CNST: variants seen among roughly 807,000 people sequenced by gnomAD.
CNST encodes consortin, connexin sorting protein.
Under a neutral mutation model 72.4 loss-of-function variants are expected in CNST, and 39 were observed. The ratio of observed to expected loss-of-function variants is 0.54; its 90% CI spans 0.42 to 0.70. CNST has a LOEUF of 0.70. CNST is among the 30% of genes least tolerant of loss of function. The probability of loss-of-function intolerance (pLI) is 0.00; values close to 1 mark genes in which losing one functional copy is unlikely to be tolerated. For synonymous variants in CNST, 332 were observed against 320.1 expected, an observed-to-expected ratio of 1.04 and a Z score of -0.40; for missense variants, 871 against 868.5, an observed-to-expected ratio of 1.00 and a Z score of -0.04.
chr1:246,620,609 A>C (rs1664007764), intron 2 of CNST, among the ~76,000 whole-genome samples: 1 of 143,364 alleles, frequency 7.0e-6, no homozygotes, highest in Non-Finnish European at 1.5e-5. Flanking sequence ...AGTCGTGCAT[A>C]CACACGATGG....
At chr1:246,653,896 A>G (rs1666628485) in intron 9 of CNST, among the ~76,000 whole-genome samples, 1 of 152,190 alleles carries the variant, frequency 6.6e-6, no homozygotes, top group African/African-American at 2.4e-5. Context: ...CCAGTCAGGT[A>G]TTAGAAGTCA....
At chr1:246,617,162 A>G (rs937383026) in intron 2 of CNST, among the ~76,000 whole-genome samples, 1 of 152,348 alleles carries the variant, frequency 6.6e-6, no homozygotes, top group African/African-American at 2.4e-5. Context: ...ATTAAAAGAC[A>G]TAGAGGAAAA....
intron 6 of CNST, among the ~76,000 whole-genome samples, chr1:246,640,013 C>G (rs1188934597): frequency 6.6e-6 from 1 of 152,208 alleles, no homozygotes; most frequent in Non-Finnish European, 1.5e-5. Context: ...ACTTGTCGCA[C>G]AAGTGGCCTT....
At chr1:246,610,304 A>T (rs1332745277) in intron 2 of CNST, among the ~76,000 whole-genome samples, 1 of 149,422 alleles carries the variant, frequency 6.7e-6, no homozygotes, top group African/African-American at 2.5e-5. Flanking sequence ...CAAACAAAAA[A>T]CCTCCCCATT....
chr1:246,581,121 C>A (rs1012227720), intron 1 of CNST, among the ~76,000 whole-genome samples: 3 of 152,146 alleles, frequency 2.0e-5, no homozygotes, highest in Non-Finnish European at 2.9e-5. Flanking sequence ...GAGTAATAAT[C>A]TTCTGTCTTT....
chr1:246,633,615 C>T (rs753467226), intron 4 of CNST, among the ~76,000 whole-genome samples: 29 of 150,656 alleles, frequency 1.9e-4, no homozygotes, highest in Non-Finnish European at 4.1e-4. Context: ...CAGTGGTAGG[C>T]GCCTGTAGTC....
chr1:246,592,164 C>T lies in CNST; in HGVS notation c.379+223C>T, dbSNP rs189563430. The stretch of plus-strand genomic sequence containing the variant: ...GTAACACAATTTATTTAATCACTTC[C>T]TTATGGCCCTTCCCAGTCTTTTACT... On this transcript the variant is annotated intron_variant, in intron 2 of 10. Coordinates refer to ENST00000366513, the MANE Select transcript of CNST (RefSeq NM_152609.3). Among the ~76,000 whole-genome samples the T allele has an allele frequency of 2.2e-3, 330 of 152,214 alleles. 1 individual carries two copies. Among genetic ancestry groups the T allele is most frequent in the Non-Finnish European group, 3.2e-3 (220 of 67,998 alleles).
At chr1:246,665,581 TC>T (rs1278184638) in intron 10 of CNST, 118 bp from the exon 11 acceptor site, 2 of 779,088 alleles carry the variant, frequency 2.6e-6, no homozygotes, top group Non-Finnish European at 4.2e-6. Flanking sequence ...TGTCAATACT[TC>T]CTATCCGTAG....
At chr1:246,628,640 C>T (rs77121759) in intron 3 of CNST, among the ~76,000 whole-genome samples, 7,055 of 152,162 alleles carry the variant, frequency 0.046, 515 homozygotes, top group African/African-American at 0.16. Flanking sequence ...TATAGAAAAT[C>T]GGGCCCTCCC....
At chr1:246,601,364 T>G (rs1173512766) in intron 2 of CNST, among the ~76,000 whole-genome samples, 1 of 152,040 alleles carries the variant, frequency 6.6e-6, no homozygotes. Flanking sequence ...GTAAAAATGA[T>G]GATGAGCCAC....
At chr1:246,570,389 C>T (rs1365547582) in intron 1 of CNST, among the ~76,000 whole-genome samples, 5 of 152,206 alleles carry the variant, frequency 3.3e-5, no homozygotes, top group African/African-American at 1.2e-4. Flanking sequence ...TCCCTAAATA[C>T]TACTTTAGCT....
At chr1:246,605,180 T>C (rs980012632) in intron 2 of CNST, among the ~76,000 whole-genome samples, 8 of 152,238 alleles carry the variant, frequency 5.3e-5, no homozygotes, top group Non-Finnish European at 1.0e-4. Context: ...CATTTTGATA[T>C]TAGCAAAGTC....
chr1:246,605,723 G>A (rs1309530505), intron 2 of CNST: 1 of 117,426 alleles, frequency 8.5e-6, no homozygotes, highest in African/African-American at 2.9e-5. Context: ...TCTTCCGGCC[G>A]GGGTAGGTGT....
intron 2 of CNST, chr1:246,607,311 C>T (rs1572167134): frequency 6.6e-6 from 1 of 152,130 alleles, no homozygotes; most frequent in African/African-American, 2.4e-5. Flanking sequence ...GCGGGCTCCC[C>T]CGCATACCCA....
chr1:246,577,148 G>A lies in CNST; in HGVS notation c.-52+10485G>A, dbSNP rs143315367. Among the ~76,000 whole-genome samples, 670 of 152,134 alleles carry A rather than the reference G, an allele frequency of 4.4e-3. 11 individuals are homozygous for A. The highest frequency in any genetic ancestry group is 0.016 in the African/African-American group (644 of 41,408). On this transcript the variant is annotated intron_variant, in intron 1 of 10. Coordinates refer to ENST00000366513, the MANE Select transcript of CNST (RefSeq NM_152609.3). ...CATTTCAGTAGGGAAAAGAACATGT[G>A]CTAAAGGAATTATTCAGGTGAAAAT... is the stretch of plus-strand genomic sequence containing the variant.
At chr1:246,588,556 T>C (rs945124322) in intron 1 of CNST, among the ~76,000 whole-genome samples, 1 of 152,180 alleles carries the variant, frequency 6.6e-6, no homozygotes, top group Admixed American at 6.5e-5. Context: ...GGCAATGTCA[T>C]AGACAGCAGC....
chr1:246,566,688 A>G (rs3795474), intron 1 of CNST, 25 bp downstream of exon 1: 143,606 of 400,098 alleles, frequency 0.36, 28,431 homozygotes, highest in East Asian at 0.67. Context: ...AGCGGGATGC[A>G]GGGGACCCGC....
intron 10 of CNST, among the ~76,000 whole-genome samples, chr1:246,664,418 A>G (rs1357505334): frequency 6.7e-6 from 1 of 149,342 alleles, no homozygotes; most frequent in Admixed American, 6.7e-5. Context: ...TTCAGTTAAC[A>G]CTGTCTTTTT....
intron 6 of CNST, among the ~76,000 whole-genome samples, chr1:246,635,679 G>A (rs1283271908): frequency 2.0e-5 from 3 of 152,182 alleles, no homozygotes; most frequent in African/African-American, 4.8e-5. Context: ...CATTTCCAGC[G>A]CTGGGGCGGT....
Sources: allele counts gnomAD v4.1 joint callset (sites outside exome capture counted in the v4.1 genomes callset), GRCh38; gene constraint gnomAD v4.1.1; transcripts MANE v1.5; gene names NCBI Gene and HGNC (gene_info 2026-07-23, HGNC 2026-07-21).